Variants in KCNJ6 observed in about 807,000 individuals in gnomAD.
KCNJ6 encodes the protein G protein-activated inward rectifier potassium channel 2.
In KCNJ6, 9 loss-of-function variants were observed where a neutral mutation model predicts 34.2. The ratio of observed to expected loss-of-function variants is 0.26; its 90% CI spans 0.16 to 0.46. The LOEUF (loss-of-function observed/expected upper bound fraction) is 0.46, where lower values mean the gene tolerates loss of function less well. Among genes scored for constraint, KCNJ6 ranks in the 20% least tolerant of loss-of-function variants. The pLI is 1.00. For synonymous variants in KCNJ6, 196 were observed against 207.1 expected, an observed-to-expected ratio of 0.95 and a Z score of 0.46; for missense variants, 236 against 531.3, an observed-to-expected ratio of 0.44 and a Z score of 5.46.
intron 1 of KCNJ6, among the ~76,000 whole-genome samples, chr21:37,841,726 A>C (rs2055482015): frequency 1.3e-5 from 2 of 152,222 alleles, no homozygotes; most frequent in South Asian, 4.1e-4. Context: ...GTATCTTTCT[A>C]TGCCAATAAA....
chr21:37,736,114 G>A (rs972302847), intron 2 of KCNJ6, among the ~76,000 whole-genome samples: 6 of 152,166 alleles, frequency 3.9e-5, no homozygotes, highest in African/African-American at 1.4e-4. Context: ...GATGGCTCAA[G>A]CACAGGCTTG....
intron 2 of KCNJ6, among the ~76,000 whole-genome samples, chr21:37,775,336 C>A (rs1222407885): frequency 6.6e-6 from 1 of 152,178 alleles, no homozygotes; most frequent in Admixed American, 6.5e-5. Context: ...TTTTGCTGTG[C>A]AGAAGCTCTT....
rs1293864684 is a variant in KCNJ6 at position 37,624,894 on chromosome 21, G to A, written c.*265C>T. The A allele has an allele frequency of 2.0e-6, 1 of 502,454 alleles. No individual in the cohort carries two copies. The highest frequency in any genetic ancestry group is 5.2e-4 in the Middle Eastern group (1 of 1,936). 31.1% of individuals were successfully genotyped at this position (502,454 alleles called of 1,614,324 possible). On this transcript the variant is annotated 3_prime_UTR_variant, in exon 4 of 4. Coordinates refer to ENST00000609713, the MANE Select transcript of KCNJ6 (RefSeq NM_002240.5). Reference sequence around the variant, plus strand: ...TAACTGAAATCTCCAGGAGTTGGATGTGTAGTATTTTGGGAGGAGACCAGG... The same window carrying A: ...TAACTGAAATCTCCAGGAGTTGGATATGTAGTATTTTGGGAGGAGACCAGG...
At chr21:37,636,612 G>C (rs574028160) in intron 3 of KCNJ6, among the ~76,000 whole-genome samples, 1 of 152,292 alleles carries the variant, frequency 6.6e-6, no homozygotes, top group South Asian at 2.1e-4. Context: ...TGCGTGTTAC[G>C]GGTGGTGATT....
intron 2 of KCNJ6, among the ~76,000 whole-genome samples, chr21:37,723,217 G>A (rs982892660): frequency 2.6e-5 from 4 of 152,088 alleles, no homozygotes; most frequent in Non-Finnish European, 4.4e-5. Flanking sequence ...AATGAAAGCC[G>A]CAGTGAGATA....
intron 3 of KCNJ6, among the ~76,000 whole-genome samples, chr21:37,656,454 G>A (rs998740019): frequency 2.6e-5 from 4 of 152,178 alleles, no homozygotes; most frequent in Non-Finnish European, 4.4e-5. Flanking sequence ...GTTGGTTTGT[G>A]GGGTAGACGA....
chr21:37,906,677 A>G (rs1601525794), intron 1 of KCNJ6, among the ~76,000 whole-genome samples: 1 of 151,888 alleles, frequency 6.6e-6, no homozygotes, highest in Non-Finnish European at 1.5e-5. Context: ...GTCCACAGAG[A>G]CCCCCAACAG....
rs899048413 is a variant in KCNJ6, at chr21:37,681,578, C to T, written c.946+32633G>A. Reference sequence around the variant, plus strand: ...GGTGTATGCACATGCTTGTTGGTTTCACTCGGATCTGTCTTGAGGGAGTTG... The same window carrying T: ...GGTGTATGCACATGCTTGTTGGTTTTACTCGGATCTGTCTTGAGGGAGTTG... On this transcript the variant is annotated intron_variant, in intron 3 of 3. Transcript: ENST00000609713. Among the ~76,000 whole-genome samples the T allele has an allele frequency of 8.5e-4, 129 of 152,174 alleles. 1 individual carries two copies. Among genetic ancestry groups the T allele is most frequent in the Non-Finnish European group, 1.5e-3 (99 of 68,034 alleles).
Position 37,675,745 on chromosome 21 carries a change from AAAG to A in KCNJ6, c.946+38463_946+38465del, listed in dbSNP as rs1458672751. 6.6e-6 allele frequency among the ~76,000 whole-genome samples: 1 copy of A among 152,232 alleles called. No individual in the cohort carries two copies. Among genetic ancestry groups the A allele is most frequent in the Non-Finnish European group, 1.5e-5 (1 of 68,036 alleles). On this transcript the variant is annotated intron_variant, in intron 3 of 3. Coordinates refer to ENST00000609713, the MANE Select transcript of KCNJ6 (RefSeq NM_002240.5). This position sits in a 1 kb window ranked among gnomAD's most constrained non-coding sequence, Gnocchi z 4.2. ...CAGGCTCTTATAGACTCTTACACCA[AAAG>A]AAGAATTTGGAGGTCCACCCCTAAA...
chr21:37,833,005 G>A (rs924949462), intron 2 of KCNJ6, among the ~76,000 whole-genome samples: 3 of 118,204 alleles, frequency 2.5e-5, no homozygotes, highest in South Asian at 3.7e-4. Context: ...CTGGCTTCTC[G>A]GCATTTCTTT....
At chr21:37,884,182 A>T (rs569275172) in intron 1 of KCNJ6, among the ~76,000 whole-genome samples, 4 of 152,282 alleles carry the variant, frequency 2.6e-5, no homozygotes, top group Admixed American at 2.6e-4. Context: ...TGGGCCTATA[A>T]GCCAGGTGTG....
At chr21:37,642,689 G>C (rs2054386586) in intron 3 of KCNJ6, among the ~76,000 whole-genome samples, 1 of 152,140 alleles carries the variant, frequency 6.6e-6, no homozygotes, top group African/African-American at 2.4e-5. Flanking sequence ...TTTAAACATG[G>C]CTGAGAAAGG....
intron 1 of KCNJ6, among the ~76,000 whole-genome samples, chr21:37,911,497 A>C (rs1265067079): frequency 6.6e-6 from 1 of 152,172 alleles, no homozygotes; most frequent in Non-Finnish European, 1.5e-5. Flanking sequence ...ATAAGCTATA[A>C]ATCCAAATTC....
chr21:37,639,940 C>G (rs2054373832), intron 3 of KCNJ6, among the ~76,000 whole-genome samples: 1 of 152,216 alleles, frequency 6.6e-6, no homozygotes, highest in South Asian at 2.1e-4. Flanking sequence ...GGGGCTTCCC[C>G]AGAATCTGAT....
intron 1 of KCNJ6, among the ~76,000 whole-genome samples, chr21:37,879,131 G>C (rs1356173006): frequency 2.0e-5 from 3 of 152,180 alleles, no homozygotes; most frequent in African/African-American, 7.2e-5. Flanking sequence ...GCCAAGTACA[G>C]TAGTGAGCTG....
At chr21:37,848,528 T>G (rs2055521513) in intron 1 of KCNJ6, among the ~76,000 whole-genome samples, 1 of 152,194 alleles carries the variant, frequency 6.6e-6, no homozygotes, top group African/African-American at 2.4e-5. Context: ...AAGGTCCCTA[T>G]GTACAGGTCA....
Position 37,614,737 on chromosome 21 carries a change from C to T in KCNJ6, c.*10422G>A, listed in dbSNP as rs75938265. 40,109 of 113,576 alleles carry T rather than the reference C, an allele frequency of 0.35. 5,462 individuals are homozygous for T. Among genetic ancestry groups the T allele is most frequent in the Middle Eastern group, 0.4 (74 of 184 alleles). 7.0% of individuals were successfully genotyped at this position (113,576 alleles called of 1,614,324 possible). On this transcript the variant is annotated 3_prime_UTR_variant, in exon 4 of 4. Transcript: ENST00000609713. ...GTGCATGTATGCGTGTGTGTGTATGCGCATGTCTCTGTATGTGTGTGTATG... is the reference window on the plus strand; with the variant it reads ...GTGCATGTATGCGTGTGTGTGTATGTGCATGTCTCTGTATGTGTGTGTATG...
intron 2 of KCNJ6, among the ~76,000 whole-genome samples, chr21:37,778,367 A>G (rs1343767380): frequency 6.6e-6 from 1 of 152,002 alleles, no homozygotes; most frequent in Non-Finnish European, 1.5e-5. Context: ...AAACATAACC[A>G]CCTCTTAATA....
At chr21:37,861,841 T>G (rs903937749) in intron 1 of KCNJ6, among the ~76,000 whole-genome samples, 7 of 152,186 alleles carry the variant, frequency 4.6e-5, no homozygotes, top group African/African-American at 1.7e-4. Flanking sequence ...CATAGCCCAG[T>G]GGCAAGTAGG....
Sources: gnomAD v4.1 joint callset for allele counts (sites outside exome capture counted in the v4.1 genomes callset) on GRCh38, gnomAD v4.1.1 for gene constraint, Gnocchi (gnomAD v3.1) non-coding constraint, MANE v1.5 for transcripts, NCBI Gene and HGNC (gene_info 2026-07-23, HGNC 2026-07-21) for gene names.